The following GAREM1 variants were observed in gnomAD, a reference collection of about 807,000 sequenced individuals.
The protein encoded by GAREM1 is GRB2-associated and regulator of MAPK protein 1.
A neutral mutation model predicts 71.3 loss-of-function variants in GAREM1; 26 were observed. The observed-to-expected ratio is 0.36, with a 90% confidence interval of 0.27 to 0.51. The LOEUF (loss-of-function observed/expected upper bound fraction) is 0.51, where lower values mean the gene tolerates loss of function less well. Among genes scored for constraint, GAREM1 ranks in the 20% least tolerant of loss-of-function variants. The pLI, the probability that GAREM1 is intolerant of heterozygous loss-of-function variation, is 0.95. For missense variants in GAREM1, 1,026 were observed against 1,103.1 expected, an observed-to-expected ratio of 0.93 and a Z score of 0.99; for synonymous variants, 440 against 433.2, an observed-to-expected ratio of 1.02 and a Z score of -0.20.
intron 1 of GAREM1, among the ~76,000 whole-genome samples, chr18:32,395,792 GTC>G (rs2048248518): frequency 6.6e-6 from 1 of 152,190 alleles, no homozygotes; most frequent in South Asian, 2.1e-4. Context: ...AAATGTCCCT[GTC>G]TGACAGCTTT....
chr18:32,320,218 G>A (rs1363921013), intron 2 of GAREM1, among the ~76,000 whole-genome samples: 1 of 152,098 alleles, frequency 6.6e-6, no homozygotes, highest in African/African-American at 2.4e-5. Context: ...CATTGGGATT[G>A]TAATTGTGTT....
rs142971685 is a variant in GAREM1, at chr18:32,373,325, G to T, written c.262+19570C>A. On this transcript the variant is annotated intron_variant, in intron 2 of 5. Coordinates refer to ENST00000269209, the MANE Select transcript of GAREM1 (RefSeq NM_001242409.2). The stretch of plus-strand genomic sequence containing the variant: ...ACTTAGTAAAAACTAAGTCCCATTT[G>T]GGAGGAGGGATTTCTTTCTACCACT... Among the ~76,000 whole-genome samples, 732 of 152,184 alleles carry T rather than the reference G, an allele frequency of 4.8e-3. 4 individuals carry two copies. The highest frequency in any genetic ancestry group is 0.016 in the African/African-American group (675 of 41,506).
intron 1 of GAREM1, among the ~76,000 whole-genome samples, chr18:32,410,418 AGCTCAATGCAGCCATGAACTCCTGG>A (rs1184053534): frequency 6.6e-6 from 1 of 152,158 alleles, no homozygotes; most frequent in Non-Finnish European, 1.5e-5. Context: ...GCATGATCAT[AGCTCAATGCAGCCATGAACTCCTGG>A]GCTCAATGAT....
chr18:32,414,078 T>C (rs1027516098), intron 1 of GAREM1, among the ~76,000 whole-genome samples: 1 of 152,122 alleles, frequency 6.6e-6, no homozygotes, highest in African/African-American at 2.4e-5. Context: ...TTTTTTTAAA[T>C]GAAAAATCTA....
chr18:32,333,041 G>A (rs368784939), intron 2 of GAREM1, among the ~76,000 whole-genome samples: 1 of 151,986 alleles, frequency 6.6e-6, no homozygotes, highest in South Asian at 2.1e-4. Context: ...AAATAAAAAA[G>A]TAGAAATGTA....
In GAREM1 at chr18:32,369,853, C is replaced by T. The variant is rs115960103; in HGVS notation, c.262+23042G>A. On this transcript the variant is annotated intron_variant, in intron 2 of 5. Coordinates refer to ENST00000269209, the MANE Select transcript of GAREM1 (RefSeq NM_001242409.2). Reference sequence around the variant, plus strand: ...TGTCCATATTATGTAGACAGTAATGCGCAGATGACCACAGAGGCCTGGCCT... The same window carrying T: ...TGTCCATATTATGTAGACAGTAATGTGCAGATGACCACAGAGGCCTGGCCT... Among the ~76,000 whole-genome samples, 755 of 152,244 alleles carry T rather than the reference C, an allele frequency of 5.0e-3. 6 individuals carry two copies. The highest frequency in any genetic ancestry group is 0.017 in the African/African-American group (713 of 41,554).
intron 1 of GAREM1, among the ~76,000 whole-genome samples, chr18:32,460,672 A>G (rs1331068703): frequency 6.6e-6 from 1 of 152,198 alleles, no homozygotes; most frequent in Non-Finnish European, 1.5e-5. Context: ...GTTTTGTAAC[A>G]TTATTTGGAC....
intron 3 of GAREM1, among the ~76,000 whole-genome samples, chr18:32,307,369 T>TTTTAAATTTAAGCAG (rs2047266260): frequency 6.6e-6 from 1 of 152,236 alleles, no homozygotes; most frequent in Admixed American, 6.5e-5. Flanking sequence ...GAAATCTTTC[T>TTTTAAATTTAAGCAG]TTTAAAAACT....
chr18:32,434,775 A>C (rs1440911692), intron 1 of GAREM1, among the ~76,000 whole-genome samples: 1 of 152,194 alleles, frequency 6.6e-6, no homozygotes, highest in Non-Finnish European at 1.5e-5. Flanking sequence ...CGCTACAGTT[A>C]AGATCCAACG....
intron 3 of GAREM1, among the ~76,000 whole-genome samples, chr18:32,298,955 T>A (rs542593940): frequency 2.5e-4 from 38 of 152,230 alleles, no homozygotes; most frequent in African/African-American, 9.1e-4. Flanking sequence ...ATATATATTT[T>A]TTTTAACACA....
chr18:32,373,430 G>T (rs1234472187), intron 2 of GAREM1, among the ~76,000 whole-genome samples: 1 of 152,268 alleles, frequency 6.6e-6, no homozygotes, highest in East Asian at 1.9e-4. Flanking sequence ...GTATTTGGGG[G>T]TAGGGCCTTA....
chr18:32,400,609 C>A (rs1313924034), intron 1 of GAREM1, among the ~76,000 whole-genome samples: 1 of 152,178 alleles, frequency 6.6e-6, no homozygotes, highest in East Asian at 1.9e-4. Flanking sequence ...ACATGCAAAT[C>A]AAAACCACAA....
chr18:32,433,505 T>C (rs542186905), intron 1 of GAREM1, among the ~76,000 whole-genome samples: 1 of 151,796 alleles, frequency 6.6e-6, no homozygotes, highest in African/African-American at 2.4e-5. Context: ...GAAATCTATA[T>C]GTTATATAAA....
At chr18:32,331,990 C>T (rs2144558034) in intron 2 of GAREM1, among the ~76,000 whole-genome samples, 1 of 151,204 alleles carries the variant, frequency 6.6e-6, no homozygotes, top group South Asian at 2.1e-4. Context: ...TTGTAGACAT[C>T]ACAGAACTGA....
rs2041338140 is a variant in GAREM1, at chr18:32,263,869, C to T, written c.*4002G>A. ...GTTTATAGCTAAGAAATTATCTGAGCCCTACTACATGAGATTGTAAACAAA... is the reference window on the plus strand; with the variant it reads ...GTTTATAGCTAAGAAATTATCTGAGTCCTACTACATGAGATTGTAAACAAA... On this transcript the variant is annotated 3_prime_UTR_variant, in exon 6 of 6. Coordinates refer to ENST00000269209, the MANE Select transcript of GAREM1 (RefSeq NM_001242409.2). 1 of 152,126 alleles carries T rather than the reference C, an allele frequency of 6.6e-6. No homozygotes were observed. The highest frequency in any genetic ancestry group is 2.4e-5 in the African/African-American group (1 of 41,422). 9.4% of individuals were successfully genotyped at this position (152,126 alleles called of 1,614,324 possible).
rs1026134953 is a variant in GAREM1, at chr18:32,266,361, C to T, written c.*1510G>A. The T allele has an allele frequency of 2.0e-5, 3 of 152,228 alleles. No individual in the cohort carries two copies. Among genetic ancestry groups the T allele is most frequent in the Admixed American group, 6.5e-5 (1 of 15,288 alleles). The allele number at this position is 152,228 out of a possible 1,614,324, so 9.4% of individuals were successfully genotyped here. A position where few individuals can be genotyped will look rare whatever the true frequency, so the allele number is the denominator to read the frequency against. On this transcript the variant is annotated 3_prime_UTR_variant, in exon 6 of 6. Coordinates refer to ENST00000269209, the MANE Select transcript of GAREM1 (RefSeq NM_001242409.2). ...CATCCTGCAAGTTATGCTGCCGCCT[C>T]ACTGGCTGACCTTCCTATTCAAGAG... is the stretch of plus-strand genomic sequence containing the variant.
chr18:32,377,512 T>C (rs1443346641), intron 2 of GAREM1, among the ~76,000 whole-genome samples: 3 of 152,218 alleles, frequency 2.0e-5, no homozygotes, highest in Non-Finnish European at 4.4e-5. Flanking sequence ...AATGGCCACA[T>C]GCTCCACGGC....
intron 4 of GAREM1, among the ~76,000 whole-genome samples, chr18:32,276,258 C>T (rs1481235859): frequency 6.6e-6 from 1 of 152,186 alleles, no homozygotes; most frequent in Non-Finnish European, 1.5e-5. Flanking sequence ...GGTGTCTGTC[C>T]TGGGGGCTGA....
intron 3 of GAREM1, among the ~76,000 whole-genome samples, chr18:32,304,840 T>C (rs1598946038): frequency 6.6e-6 from 1 of 152,178 alleles, no homozygotes; most frequent in South Asian, 2.1e-4. Flanking sequence ...ACTCACTCTG[T>C]AGATCGTGGT....
Sources: allele counts gnomAD v4.1 joint callset (sites outside exome capture counted in the v4.1 genomes callset), GRCh38; gene constraint gnomAD v4.1.1; transcripts MANE v1.5; gene names NCBI Gene and HGNC (gene_info 2026-07-23, HGNC 2026-07-21).